The following PRAMEF1 variants were observed in gnomAD, a reference collection of about 807,000 sequenced individuals.
PRAMEF1 encodes the protein PRAME family member 1.
PRAMEF1 carries 21 observed loss-of-function variants against 38.2 expected under a neutral mutation model. The ratio of observed to expected loss-of-function variants is 0.55; its 90% CI spans 0.39 to 0.79. The LOEUF (loss-of-function observed/expected upper bound fraction) is 0.79, where lower values mean the gene tolerates loss of function less well. Ranked by LOEUF, PRAMEF1 falls within the 30% of genes least tolerant of loss-of-function variation. PRAMEF1 has a pLI of 0.00. For synonymous variants in PRAMEF1, 200 were observed against 229.0 expected (o/e 0.87, Z 1.14); for missense variants, 497 against 565.8 (o/e 0.88, Z 1.23).
chr1:12,796,220 T>G lies in PRAMEF1; in HGVS notation c.*224T>G. 1 of 790,282 alleles carries G rather than the reference T, an allele frequency of 1.3e-6. No individual in the cohort carries two copies. The highest frequency in any genetic ancestry group is 1.9e-6 in the Non-Finnish European group (1 of 520,154). The allele number at this position is 790,282 out of a possible 1,614,324, so 49.0% of individuals were successfully genotyped here. A position where few individuals can be genotyped will look rare whatever the true frequency, so the allele number is the denominator to read the frequency against. On this transcript the variant is annotated 3_prime_UTR_variant, in exon 4 of 4. Coordinates refer to ENST00000332296, the MANE Select transcript of PRAMEF1 (RefSeq NM_023013.4). ...ATGGGATCCTCCTGCCTCAGCTTCC[T>G]AAAGTGCTGGGATTACTGGCATGAG...
At position 12,793,713 on chromosome 1, in the gene PRAMEF1, A is replaced by G. The variant is rs1210629584; in HGVS notation, c.287+199A>G. ...TACAGGGTCCACTGTGGGAACAGAAACCTGCCTTTACTCAGTGGAAGGTAA... is the reference window on the plus strand; with the variant it reads ...TACAGGGTCCACTGTGGGAACAGAAGCCTGCCTTTACTCAGTGGAAGGTAA... On this transcript the variant is annotated intron_variant, in intron 2 of 3. Coordinates refer to ENST00000332296, the MANE Select transcript of PRAMEF1 (RefSeq NM_023013.4). 3.3e-5 allele frequency among the ~76,000 whole-genome samples: 5 copies of G among 151,508 alleles called. No homozygotes were observed. The South Asian group carries it at 8.5e-4, about 26-fold the overall frequency.
rs1397576854 is a variant in PRAMEF1 at position 12,793,472 on chromosome 1, T to G, written c.245T>G (p.Leu82Arg). The change falls in exon 2 of 4, where the codon CTG becomes CGG. Residue 82 changes from leucine to arginine, a missense_variant. Coordinates refer to ENST00000332296, the MANE Select transcript of PRAMEF1 (RefSeq NM_023013.4). ...TLHLETLKAL[L>R]EGLHMLLTQK... is the part of the protein sequence containing the mutation. ...CATTTGGAGACCTTAAAAGCATTGC[T>G]GGAAGGGCTTCATATGCTGCTTACA... The G allele has an allele frequency of 1.2e-6, 2 of 1,609,300 alleles. No individual in the cohort carries two copies. Among genetic ancestry groups the G allele is most frequent in the Non-Finnish European group, 1.7e-6 (2 of 1,177,790 alleles).
chr1:12,793,220 C>T lies in PRAMEF1; in HGVS notation c.-8C>T. ...TCTTCTAGAGATTTTCCTTGCAGAT[C>T]TATCAGGATGAGCATCCAGGCCCCA... On this transcript the variant is annotated 5_prime_UTR_variant, in exon 2 of 4. Transcript: ENST00000332296. 6.2e-7 allele frequency: 1 copy of T among 1,606,796 alleles called. No individual in the cohort carries two copies. Among genetic ancestry groups the T allele is most frequent in the South Asian group, 1.1e-5 (1 of 90,232 alleles).
At chr1:12,792,224 G>T (rs1639306140) in intron 1 of PRAMEF1, among the ~76,000 whole-genome samples, 1 of 151,284 alleles carries the variant, frequency 6.6e-6, no homozygotes, top group East Asian at 2.0e-4. Context: ...GTTTTGCCAT[G>T]TTGGCCATGC....
chr1:12,794,292 G>C lies in PRAMEF1; in HGVS notation c.665G>C (p.Arg222Thr). The stretch of plus-strand genomic sequence containing the variant: ...AACATGTCCTGGCCACGTCTGATAA[G>C]AAAGCTTCGTTGTTACCTGAAGGAG... ...IRNMSWPRLI[R>T]KLRCYLKEMK... is the part of the protein sequence containing the mutation. Residue 222 changes from arginine (R) to threonine (T), a missense_variant, in exon 3 of 4, where the codon AGA becomes ACA. Coordinates refer to ENST00000332296, the MANE Select transcript of PRAMEF1 (RefSeq NM_023013.4). 3 of 1,612,068 alleles carry C rather than the reference G, an allele frequency of 1.9e-6. 1 individual carries two copies. Among genetic ancestry groups the C allele is most frequent in the African/African-American group, 2.7e-5 (2 of 74,842 alleles).
rs1639392377 is a variant in PRAMEF1, at chr1:12,795,864, C to T, written c.1293C>T (p.Thr431=). 2 of 1,610,822 alleles carry T rather than the reference C, an allele frequency of 1.2e-6. No individual in the cohort carries two copies. The highest frequency in any genetic ancestry group is 1.3e-5 in the African/African-American group (1 of 74,420). ...TTCGTGTCAATTGGGAGATCTTCAC[C>T]CCACTTCGGGCTGAGCTGATGTGTA... ...SLVRVNWEIF[T]PLRAELMCTL... Residue 431 remains threonine, a synonymous_variant, in exon 4 of 4, where the codon ACC becomes ACT. Coordinates refer to ENST00000332296, the MANE Select transcript of PRAMEF1 (RefSeq NM_023013.4).
rs925141251 is a variant in PRAMEF1, at chr1:12,792,795, A to C, written c.-25-408A>C. Among the ~76,000 whole-genome samples the C allele has an allele frequency of 4.6e-5, 7 of 151,002 alleles. 1 individual carries two copies. The highest frequency in any genetic ancestry group is 1.7e-4 in the African/African-American group (7 of 41,156). ...CTTGGTGTCCAGCAGTGTTGGGATT[A>C]CAGACATGAGCCACAGCACCTGGTC... On this transcript the variant is annotated intron_variant, in intron 1 of 3. Coordinates refer to ENST00000332296, the MANE Select transcript of PRAMEF1 (RefSeq NM_023013.4).
In PRAMEF1 at chr1:12,795,609, A is replaced by G. The variant is rs374504242; in HGVS notation, c.1038A>G (p.Lys346=). ...SLEPLGALLE[K]IAASLKTLIL... Reference sequence around the variant, plus strand: ...AACCCCTCGGAGCTCTGCTGGAGAAAATTGCTGCCTCTCTCAAAACCCTCA... The same window carrying G: ...AACCCCTCGGAGCTCTGCTGGAGAAGATTGCTGCCTCTCTCAAAACCCTCA... Residue 346 remains lysine (K), a synonymous_variant, in exon 4 of 4, where the codon AAA becomes AAG. Transcript: ENST00000332296. The G allele has an allele frequency of 2.6e-5, 42 of 1,611,852 alleles. No individual in the cohort carries two copies. In the East Asian group the frequency reaches 5.6e-4, roughly 21 times the overall value.
rs1639395940 is a variant in PRAMEF1 at position 12,795,983 on chromosome 1, A to G, written c.1412A>G (p.His471Arg). The G allele has an allele frequency of 1.2e-6, 2 of 1,609,168 alleles. No homozygotes were observed. Among genetic ancestry groups the G allele is most frequent in the Admixed American group, 1.7e-5 (1 of 59,480 alleles). ...TCACCGTCTGAGGAACTGGAGCTCCATCTTTGCTGCTAGGGAAGGCGTGCC... is the reference window on the plus strand; with the variant it reads ...TCACCGTCTGAGGAACTGGAGCTCCGTCTTTGCTGCTAGGGAAGGCGTGCC... The part of the protein sequence containing the change: ...GSSPSEELEL[H>R]LCC Residue 471 changes from histidine to arginine, a missense_variant, in exon 4 of 4, where the codon CAT (histidine) becomes CGT (arginine). His to Arg is a conservative substitution (Grantham distance 29, BLOSUM62 0). Transcript: ENST00000332296.
intron 1 of PRAMEF1, 55 bp from the exon 2 acceptor site, chr1:12,793,148 C>A: frequency 6.3e-7 from 1 of 1,579,848 alleles, no homozygotes; most frequent in Non-Finnish European, 8.6e-7. Context: ...CCAGTAGAAG[C>A]AGATGATTGT....
chr1:12,796,265 T>G lies in PRAMEF1; in HGVS notation c.*269T>G. The G allele has an allele frequency of 1.9e-6, 1 of 526,956 alleles. No individual in the cohort carries two copies. Among genetic ancestry groups the G allele is most frequent in the Non-Finnish European group, 3.3e-6 (1 of 307,072 alleles). 32.6% of individuals were successfully genotyped at this position (526,956 alleles called of 1,614,324 possible). ...CATGAGTGACTGTGTCCAGGCCACA[T>G]GCAACTTAAAGGAAGCACAGGCAAG... On this transcript the variant is annotated 3_prime_UTR_variant, in exon 4 of 4. Coordinates refer to ENST00000332296, the MANE Select transcript of PRAMEF1 (RefSeq NM_023013.4).
Position 12,793,378 on chromosome 1 carries a change from A to G in PRAMEF1, c.151A>G (p.Thr51Ala), listed in dbSNP as rs1639328597. ...GGCCTTCAGCAGGAGACACTTCCAG[A>G]CTCTGACGGTGATGGTTCAGGCCTG... is the stretch of plus-strand genomic sequence containing the variant. ...MEAFSRRHFQ[T>A]LTVMVQAWPF... The change falls in exon 2 of 4, where the codon ACT becomes GCT. Residue 51 changes from threonine (T) to alanine (A), a missense_variant. Around this residue, in one of 2 missense-constraint regions of PRAMEF1, gnomAD observed 470 missense variants for 501.9 expected, o/e 0.94. Transcript: ENST00000332296. 6.2e-7 allele frequency: 1 copy of G among 1,609,596 alleles called. No individual in the cohort carries two copies. Among genetic ancestry groups the G allele is most frequent in the African/African-American group, 1.3e-5 (1 of 74,596 alleles).
chr1:12,792,689 T>C lies in PRAMEF1; in HGVS notation c.-25-514T>C, dbSNP rs573007009. Among the ~76,000 whole-genome samples, 74 of 151,350 alleles carry C rather than the reference T, an allele frequency of 4.9e-4. 1 individual carries two copies. The highest frequency in any genetic ancestry group is 3.6e-3 in the Admixed American group (54 of 15,106). On this transcript the variant is annotated intron_variant, in intron 1 of 3. Transcript: ENST00000332296. ...CCTTCTGGAGTCAAATGATTCTTAA[T>C]TTTTTTATATTTAGTAGAGACATGG...
intron 3 of PRAMEF1, 149 bp downstream of exon 3, chr1:12,794,642 G>T (rs1639360167): frequency 5.3e-6 from 8 of 1,520,758 alleles, no homozygotes. Context: ...CCCATTCAGT[G>T]TTCCATGTCC....
chr1:12,793,568 C>T (rs533051442), intron 2 of PRAMEF1, 54 bp downstream of exon 2: 2 of 1,544,088 alleles, frequency 1.3e-6, no homozygotes, highest in South Asian at 1.1e-5. Context: ...AGGGAAAGAA[C>T]AGCAGGGTCA....
Position 12,795,618 on chromosome 1 carries a change from C to T in PRAMEF1, c.1047C>T (p.Ala349=), listed in dbSNP as rs755396009. Residue 349 remains alanine, a synonymous_variant, in exon 4 of 4, where the codon GCC becomes GCT. Transcript: ENST00000332296. ...GAGCTCTGCTGGAGAAAATTGCTGC[C>T]TCTCTCAAAACCCTCATCTTGGAGG... is the stretch of plus-strand genomic sequence containing the variant. ...PLGALLEKIA[A]SLKTLILEGC... is the part of the protein sequence containing the mutation. The T allele has an allele frequency of 6.2e-7, 1 of 1,611,784 alleles. No individual in the cohort carries two copies. Among genetic ancestry groups the T allele is most frequent in the Admixed American group, 1.7e-5 (1 of 59,902 alleles).
rs1056232442 is a variant in PRAMEF1, at chr1:12,791,471, G to T, written c.-29G>T. ...CAGAACTCTGCGAAGTGAGTCCAGC[G>T]CTGGTAAGTCACCACCTGCTTAGGG... On this transcript the variant is annotated 5_prime_UTR_variant, in exon 1 of 4. Transcript: ENST00000332296. 1 of 147,032 alleles carries T rather than the reference G, an allele frequency of 6.8e-6. No individual in the cohort carries two copies. The highest frequency in any genetic ancestry group is 1.5e-5 in the Non-Finnish European group (1 of 65,972). 9.1% of individuals were successfully genotyped at this position (147,032 alleles called of 1,614,324 possible).
At chr1:12,794,519 T>C (rs573600208) in intron 3 of PRAMEF1, 26 bp downstream of exon 3, 1 of 1,609,068 alleles carries the variant, frequency 6.2e-7, no homozygotes, top group Non-Finnish European at 8.5e-7. Flanking sequence ...GCACTTTGTA[T>C]GCAGACCACA....
rs1157280766 is a variant in PRAMEF1, at chr1:12,793,444, C to T, written c.217C>T (p.Leu73Phe). The change falls in exon 2 of 4, where the codon CTT (leucine) becomes TTT (phenylalanine). Residue 73 changes from leucine (L) to phenylalanine (F), a missense_variant. Leu to Phe is a conservative substitution (Grantham distance 22, BLOSUM62 0). Transcript: ENST00000332296. ...CLPLGSLMKT[L>F]HLETLKALLE... is the part of the protein sequence containing the mutation. ...CCCTCTGGGATCACTGATGAAGACG[C>T]TTCATTTGGAGACCTTAAAAGCATT... The T allele has an allele frequency of 6.2e-7, 1 of 1,609,820 alleles. No individual in the cohort carries two copies. Among genetic ancestry groups the T allele is most frequent in the Non-Finnish European group, 8.5e-7 (1 of 1,177,918 alleles).
Sources: allele counts gnomAD v4.1 joint callset (sites outside exome capture counted in the v4.1 genomes callset), GRCh38; gene constraint gnomAD v4.1.1; regional missense constraint gnomAD v4.1.1; transcripts MANE v1.5; gene names NCBI Gene and HGNC (gene_info 2026-07-23, HGNC 2026-07-21).